The following HEATR4 variants were observed in gnomAD, a reference collection of about 807,000 sequenced individuals.
HEATR4 encodes HEAT repeat-containing protein 4.
HEATR4 carries 95 observed loss-of-function variants against 108.8 expected under a neutral mutation model. That is an observed-to-expected ratio of 0.87 (90% CI 0.74 to 1.04). HEATR4 has a LOEUF of 1.04. HEATR4 is among the 50% of genes least tolerant of loss of function. HEATR4 has a pLI of 0.00. For missense variants in HEATR4, 1,152 were observed against 1,253.8 expected (o/e 0.92, Z 1.23); for synonymous variants, 443 against 459.4 (o/e 0.96, Z 0.46).
At chr14:73,484,390 T>C (rs1885366872) in intron 17 of HEATR4, among the ~76,000 whole-genome samples, 2 of 152,054 alleles carry the variant, frequency 1.3e-5, no homozygotes, top group South Asian at 4.1e-4. Context: ...TTTGTTTGTT[T>C]GTCATTGAGA....
intron 11 of HEATR4, among the ~76,000 whole-genome samples, chr14:73,502,025 G>A (rs994970534): frequency 2.6e-5 from 4 of 151,138 alleles, no homozygotes; most frequent in Admixed American, 6.6e-5. Context: ...GATTACAGGA[G>A]TGAGCCACTG....
At chr14:73,481,022 AAAAG>A (rs967563112) in intron 17 of HEATR4, 14 of 152,060 alleles carry the variant, frequency 9.2e-5, no homozygotes, top group East Asian at 1.9e-4. Flanking sequence ...TCTCAAAAAA[AAAAG>A]AAAGAAAGAA....
chr14:73,631,159 C>A, the HEATR4 span, among the ~76,000 whole-genome samples: 2 of 152,058 alleles, frequency 1.3e-5, no homozygotes, highest in Non-Finnish European at 2.9e-5. Flanking sequence ...TTGTTTCTCC[C>A]CAAATTTAGG....
chr14:73,589,929 G>T, the HEATR4 span, among the ~76,000 whole-genome samples: 2 of 152,146 alleles, frequency 1.3e-5, no homozygotes, highest in Non-Finnish European at 2.9e-5. Flanking sequence ...CATGTCTGGA[G>T]TTGTTCGTTC....
At chr14:73,590,359 A>G in the HEATR4 span, among the ~76,000 whole-genome samples, 1 of 152,206 alleles carries the variant, frequency 6.6e-6, no homozygotes, top group Non-Finnish European at 1.5e-5. Flanking sequence ...ACAATCCCTT[A>G]GCTAGACATA....
rs146214511 is a variant in HEATR4 at position 73,518,419 on chromosome 14, A to G, written c.1210+604T>C. Among the ~76,000 whole-genome samples the G allele has an allele frequency of 3.5e-3, 530 of 152,274 alleles. 2 individuals carry two copies. The highest frequency in any genetic ancestry group is 0.012 in the African/African-American group (500 of 41,542). ...ACTCTGTCTCCAAAAAAAGAAAAAA[A>G]AAAAAAAGGAATGGGTGACAACTGC... On this transcript the variant is annotated intron_variant, in intron 5 of 17. Transcript: ENST00000553558.
At chr14:73,601,406 A>T in the HEATR4 span, among the ~76,000 whole-genome samples, 1 of 152,190 alleles carries the variant, frequency 6.6e-6, no homozygotes, top group Non-Finnish European at 1.5e-5. Context: ...TCTACTAAAA[A>T]TACAAAAATT....
the HEATR4 span, among the ~76,000 whole-genome samples, chr14:73,587,808 C>A: frequency 2.0e-5 from 3 of 152,166 alleles, no homozygotes; most frequent in Non-Finnish European, 2.9e-5. Context: ...TGAAGATAAA[C>A]TGGGAGAGAA....
the HEATR4 span, among the ~76,000 whole-genome samples, chr14:73,609,981 T>A: frequency 2.7e-3 from 406 of 151,902 alleles, 2 homozygotes; most frequent in African/African-American, 9.4e-3. Flanking sequence ...TTTTTTTTTT[T>A]AGACTAATTG....
At chr14:73,541,497 T>C in intron 1 of HEATR4, 1 of 1,245,018 alleles carries the variant, frequency 8.0e-7, no homozygotes, top group Non-Finnish European at 1.1e-6. Flanking sequence ...CCCAAGAACC[T>C]GGGCCCTTTC....
At chr14:73,574,963 T>C in the HEATR4 span, 2 of 1,605,712 alleles carry the variant, frequency 1.2e-6, no homozygotes, top group Non-Finnish European at 1.7e-6. Flanking sequence ...GAGCTCTGCC[T>C]TTCCATGGCC....
chr14:73,519,395 C>T (rs964227669), intron 4 of HEATR4, among the ~76,000 whole-genome samples: 1 of 152,096 alleles, frequency 6.6e-6, no homozygotes, highest in African/African-American at 2.4e-5. Flanking sequence ...AAGGAAATGT[C>T]ATAGCTAGTC....
intron 1 of HEATR4, among the ~76,000 whole-genome samples, chr14:73,548,005 T>G (rs190685642): frequency 8.6e-6 from 1 of 115,716 alleles, no homozygotes; most frequent in African/African-American, 2.8e-5. Flanking sequence ...TAGCTCATTG[T>G]AGCCTCAAAC....
At chr14:73,583,588 G>A in the HEATR4 span, among the ~76,000 whole-genome samples, 1 of 152,042 alleles carries the variant, frequency 6.6e-6, no homozygotes, top group African/African-American at 2.4e-5. Flanking sequence ...AAAATTGGCG[G>A]TTGGTGCCAG....
rs146335256 is a variant in HEATR4 at position 73,541,600 on chromosome 14, G to A, written c.-151-11356C>T. On this transcript the variant is annotated intron_variant, in intron 1 of 17. Transcript: ENST00000553558. The stretch of plus-strand genomic sequence containing the variant: ...GAAGGGTTTTGCTGTGATGGCTCTG[G>A]CTTACTATAACTATGAAGACCTCCC... The A allele has an allele frequency of 2.1e-3, 2,663 of 1,243,584 alleles. 735 individuals are homozygous for A. In the African/African-American group the frequency reaches 0.038, roughly 18 times the overall value. 77.0% of individuals were successfully genotyped at this position (1,243,584 alleles called of 1,614,324 possible).
the HEATR4 span, among the ~76,000 whole-genome samples, chr14:73,611,997 T>C: frequency 1.3e-5 from 2 of 152,098 alleles, no homozygotes; most frequent in African/African-American, 4.8e-5. Flanking sequence ...TTTTTGTGCC[T>C]CTATTTCGAC....
chr14:73,536,432 C>T (rs1303091548), intron 1 of HEATR4, among the ~76,000 whole-genome samples: 1 of 105,400 alleles, frequency 9.5e-6, no homozygotes, highest in Non-Finnish European at 2.0e-5. Flanking sequence ...GGCTTTAGCC[C>T]AGGAGTTTGA....
At chr14:73,580,216 T>A in the HEATR4 span, among the ~76,000 whole-genome samples, 14,813 of 152,032 alleles carry the variant, frequency 0.097, 1,144 homozygotes, top group Non-Finnish European at 0.14. Flanking sequence ...AGCCTCAAAC[T>A]CCTGGGGGCT....
the HEATR4 span, among the ~76,000 whole-genome samples, chr14:73,572,344 GAA>G: frequency 6.7e-6 from 1 of 148,590 alleles, no homozygotes; most frequent in South Asian, 2.1e-4. Flanking sequence ...CAAAAGAAAA[GAA>G]AAAAAAAGAA....
Sources: gnomAD v4.1 joint callset for allele counts (sites outside exome capture counted in the v4.1 genomes callset) on GRCh38, gnomAD v4.1.1 for gene constraint, MANE v1.5 for transcripts, NCBI Gene and HGNC (gene_info 2026-07-23, HGNC 2026-07-21) for gene names.